Variants in PDSS2 observed in about 807,000 individuals in gnomAD.
PDSS2 encodes decaprenyl diphosphate synthase subunit 2, also known as all trans-polyprenyl-diphosphate synthase PDSS2.
Under a neutral mutation model 44.5 loss-of-function variants are expected in PDSS2, and 31 were observed. That is an observed-to-expected ratio of 0.70 (90% CI 0.52 to 0.94). PDSS2 has a LOEUF of 0.94. Ranked by LOEUF, PDSS2 falls within the 40% of genes least tolerant of loss-of-function variation. PDSS2 has a pLI of 0.00. For missense variants in PDSS2, 452 were observed against 482.2 expected (o/e 0.94, Z 0.59); for synonymous variants, 157 against 180.3 (o/e 0.87, Z 1.03).
At chr6:107,337,323 G>A (rs568828672) in intron 1 of PDSS2, among the ~76,000 whole-genome samples, 2 of 152,210 alleles carry the variant, frequency 1.3e-5, no homozygotes, top group East Asian at 1.9e-4. Context: ...TTTGATCCCA[G>A]GCCAACAGGC....
chr6:107,210,140 C>T (rs1773148309), intron 6 of PDSS2, among the ~76,000 whole-genome samples: 1 of 151,678 alleles, frequency 6.6e-6, no homozygotes, highest in African/African-American at 2.4e-5. Flanking sequence ...TACCATAGCC[C>T]AATTTTTGAA....
chr6:107,289,622 G>GGAT (rs929759784), intron 2 of PDSS2, among the ~76,000 whole-genome samples: 21 of 151,932 alleles, frequency 1.4e-4, no homozygotes, highest in African/African-American at 5.1e-4. Flanking sequence ...CTTGAGCCTA[G>GGAT]GATGTCGAGG....
intron 1 of PDSS2, among the ~76,000 whole-genome samples, chr6:107,335,836 C>A (rs966980532): frequency 3.3e-5 from 5 of 151,984 alleles, no homozygotes; most frequent in Non-Finnish European, 5.9e-5. Context: ...CTCTCGAATG[C>A]AGTAAGAAAA....
intron 1 of PDSS2, among the ~76,000 whole-genome samples, chr6:107,428,370 T>C (rs1458211332): frequency 6.6e-6 from 1 of 152,262 alleles, no homozygotes; most frequent in African/African-American, 2.4e-5. Context: ...CATGATGTTC[T>C]ATGCTTTGAA....
chr6:107,259,294 T>C (rs1057268940), intron 3 of PDSS2, among the ~76,000 whole-genome samples: 6 of 152,178 alleles, frequency 3.9e-5, no homozygotes, highest in African/African-American at 1.4e-4. Flanking sequence ...GAATGAATGA[T>C]CTGAATTTGG....
chr6:107,421,752 C>CTA (rs1780829957), intron 1 of PDSS2, among the ~76,000 whole-genome samples: 1 of 150,324 alleles, frequency 6.7e-6, no homozygotes, highest in Non-Finnish European at 1.5e-5. Flanking sequence ...TGGAACAGTC[C>CTA]TATATCTTGA....
intron 1 of PDSS2, among the ~76,000 whole-genome samples, chr6:107,372,596 C>T (rs1779160252): frequency 6.6e-6 from 1 of 152,076 alleles, no homozygotes; most frequent in South Asian, 2.1e-4. Flanking sequence ...GGACTACAGG[C>T]GCCCGCCACC....
At chr6:107,347,369 T>C (rs1305129913) in intron 1 of PDSS2, among the ~76,000 whole-genome samples, 3 of 150,102 alleles carry the variant, frequency 2.0e-5, no homozygotes, top group Admixed American at 6.7e-5. Flanking sequence ...TTCTCCCGAT[T>C]CAAGCGATTC....
intron 4 of PDSS2, among the ~76,000 whole-genome samples, chr6:107,222,693 T>C (rs536064840): frequency 2.0e-5 from 3 of 152,086 alleles, no homozygotes; most frequent in African/African-American, 7.2e-5. Context: ...AGAATGTATT[T>C]TGACCAAGAT....
intron 1 of PDSS2, among the ~76,000 whole-genome samples, chr6:107,417,999 G>A (rs996116664): frequency 6.6e-6 from 1 of 152,014 alleles, no homozygotes; most frequent in Non-Finnish European, 1.5e-5. Context: ...TATTTACCAT[G>A]ATTATATTTA....
intron 2 of PDSS2, among the ~76,000 whole-genome samples, chr6:107,291,030 G>C (rs1338700955): frequency 1.3e-5 from 2 of 151,718 alleles, no homozygotes; most frequent in Non-Finnish European, 2.9e-5. Flanking sequence ...AAGCATGTGA[G>C]CGCTAATGAA....
At chr6:107,405,101 C>G (rs987092712) in intron 1 of PDSS2, among the ~76,000 whole-genome samples, 1 of 151,582 alleles carries the variant, frequency 6.6e-6, no homozygotes, top group Non-Finnish European at 1.5e-5. Flanking sequence ...AGAAACCTTA[C>G]AAGGCAGAAG....
chr6:107,166,897 T>A (rs1218090755), intron 7 of PDSS2, among the ~76,000 whole-genome samples: 1 of 152,206 alleles, frequency 6.6e-6, no homozygotes, highest in Non-Finnish European at 1.5e-5. Context: ...TATTGAGGAT[T>A]TTTGCATCAA....
intron 2 of PDSS2, among the ~76,000 whole-genome samples, chr6:107,315,600 AAAAG>A (rs572896499): frequency 9.2e-5 from 14 of 152,192 alleles, no homozygotes; most frequent in East Asian, 1.9e-4. Context: ...TTAAAAAGAA[AAAAG>A]AAAGAAAGAA....
At chr6:107,450,127 C>A (rs1035042034) in intron 1 of PDSS2, among the ~76,000 whole-genome samples, 4 of 152,148 alleles carry the variant, frequency 2.6e-5, no homozygotes, top group African/African-American at 7.2e-5. Context: ...TGACTTTTTT[C>A]ACTCAGAATA....
At chr6:107,297,445 C>G (rs905592307) in intron 2 of PDSS2, among the ~76,000 whole-genome samples, 7 of 150,618 alleles carry the variant, frequency 4.6e-5, no homozygotes, top group Admixed American at 2.0e-4. Context: ...TGCAGTGGTG[C>G]GATCTCGGCT....
At chr6:107,258,414 A>C (rs1357495816) in intron 3 of PDSS2, among the ~76,000 whole-genome samples, 3 of 152,108 alleles carry the variant, frequency 2.0e-5, no homozygotes, top group Non-Finnish European at 2.9e-5. Flanking sequence ...TATTGGAACC[A>C]GCAAGGATCT....
intron 1 of PDSS2, among the ~76,000 whole-genome samples, chr6:107,446,562 C>T (rs1781690235): frequency 6.6e-6 from 1 of 152,154 alleles, no homozygotes; most frequent in Non-Finnish European, 1.5e-5. Flanking sequence ...ACTCACATTG[C>T]TATAAGGAAA....
intron 1 of PDSS2, among the ~76,000 whole-genome samples, chr6:107,379,945 T>G (rs750841451): frequency 3.3e-5 from 5 of 152,074 alleles, no homozygotes; most frequent in Non-Finnish European, 7.4e-5. Context: ...ATATTTTCTT[T>G]CTCTATTATC....
Sources: allele counts gnomAD v4.1 joint callset (sites outside exome capture counted in the v4.1 genomes callset), GRCh38; gene constraint gnomAD v4.1.1; transcripts MANE v1.5; gene names NCBI Gene and HGNC (gene_info 2026-07-23, HGNC 2026-07-21).